The following SORCS1 variants were observed in gnomAD, a reference collection of about 807,000 sequenced individuals.
SORCS1 encodes VPS10 domain-containing receptor SorCS1.
Under a neutral mutation model 146.1 loss-of-function variants are expected in SORCS1, and 60 were observed. That is an observed-to-expected ratio of 0.41 (90% CI 0.33 to 0.51). The LOEUF (loss-of-function observed/expected upper bound fraction) is 0.51. Ranked by LOEUF, SORCS1 falls within the 20% of genes least tolerant of loss-of-function variation. SORCS1 has a pLI of 0.21. For missense variants in SORCS1, 1,352 were observed against 1,487.6 expected, an observed-to-expected ratio of 0.91 and a Z score of 1.50; for synonymous variants, 637 against 584.0, an observed-to-expected ratio of 1.09 and a Z score of -1.31.
intron 18 of SORCS1, among the ~76,000 whole-genome samples, chr10:106,645,925 C>G (rs897585588): frequency 2.0e-5 from 3 of 151,670 alleles, no homozygotes; most frequent in Non-Finnish European, 4.4e-5. Flanking sequence ...GAAATAATGC[C>G]TTAAATAACA....
intron 1 of SORCS1, among the ~76,000 whole-genome samples, chr10:107,160,074 C>T (rs1969587905): frequency 6.6e-6 from 1 of 152,204 alleles, no homozygotes; most frequent in South Asian, 2.1e-4. Flanking sequence ...CAAAGCACTA[C>T]TTAAGGTAAA....
intron 1 of SORCS1, among the ~76,000 whole-genome samples, chr10:107,038,503 C>T (rs1055236967): frequency 1.3e-5 from 2 of 152,080 alleles, no homozygotes; most frequent in African/African-American, 4.8e-5. Flanking sequence ...AACAAACCTG[C>T]ACATTGTGCG....
intron 1 of SORCS1, among the ~76,000 whole-genome samples, chr10:106,997,150 T>C (rs922121360): frequency 6.6e-6 from 1 of 152,106 alleles, no homozygotes; most frequent in African/African-American, 2.4e-5. Flanking sequence ...ATATTCTTTC[T>C]CCTGGTAATT....
At chr10:106,699,143 G>T in intron 9 of SORCS1, 71 bp downstream of exon 9, 4 of 1,368,578 alleles carry the variant, frequency 2.9e-6, no homozygotes, top group Non-Finnish European at 3.9e-6. Flanking sequence ...CAGGAAAAGA[G>T]TCCATGCGGG....
chr10:106,801,098 T>C (rs1454047748), intron 3 of SORCS1, among the ~76,000 whole-genome samples: 1 of 152,266 alleles, frequency 6.6e-6, no homozygotes, highest in Non-Finnish European at 1.5e-5. Flanking sequence ...CAATGTCTGA[T>C]GATTGAATGG....
At chr10:106,779,337 T>A (rs944792390) in intron 3 of SORCS1, among the ~76,000 whole-genome samples, 1 of 152,078 alleles carries the variant, frequency 6.6e-6, no homozygotes, top group Admixed American at 6.6e-5. Context: ...CTGGATCCAT[T>A]TTTCATTAGT....
chr10:106,596,533 C>G (rs1845914848), intron 24 of SORCS1, among the ~76,000 whole-genome samples: 1 of 152,042 alleles, frequency 6.6e-6, no homozygotes, highest in African/African-American at 2.4e-5. Context: ...GGAGGATCCC[C>G]CATCCTCACC....
chr10:107,128,670 T>A (rs1966839781), intron 1 of SORCS1, among the ~76,000 whole-genome samples: 1 of 152,216 alleles, frequency 6.6e-6, no homozygotes, highest in Admixed American at 6.5e-5. Flanking sequence ...ATTAGTTCCT[T>A]AAGGAACATT....
intron 13 of SORCS1, among the ~76,000 whole-genome samples, chr10:106,676,840 G>A (rs927655742): frequency 2.0e-5 from 3 of 152,062 alleles, no homozygotes; most frequent in African/African-American, 4.8e-5. Flanking sequence ...CAACCATCAG[G>A]CCTCCCAGGT....
intron 25 of SORCS1, chr10:106,578,572 A>AT: frequency 1.1e-6 from 1 of 871,332 alleles, no homozygotes; most frequent in Non-Finnish European, 1.4e-6. Context: ...TAGATGTAAA[A>AT]AAAAAAAAAA....
At chr10:107,168,255 A>T (rs144981258), upstream of SORCS1, among the ~76,000 whole-genome samples, 2 of 152,208 alleles carry the variant, frequency 1.3e-5, no homozygotes, top group South Asian at 2.1e-4. Context: ...CTTTTTTGAG[A>T]CCTTCACTTT....
intron 2 of SORCS1, among the ~76,000 whole-genome samples, chr10:106,836,144 G>T (rs893690182): frequency 3.3e-5 from 5 of 152,004 alleles, no homozygotes; most frequent in African/African-American, 1.2e-4. Context: ...AAATAAGGAA[G>T]ACTAAAAAGT....
intron 24 of SORCS1, among the ~76,000 whole-genome samples, chr10:106,594,301 A>G (rs971938712): frequency 6.6e-6 from 1 of 152,232 alleles, no homozygotes; most frequent in Non-Finnish European, 1.5e-5. Context: ...TACGGTTAAC[A>G]TATCAATCTT....
chr10:106,695,967 C>T (rs1853672049), intron 9 of SORCS1, among the ~76,000 whole-genome samples: 2 of 152,162 alleles, frequency 1.3e-5, no homozygotes, highest in South Asian at 4.2e-4. Context: ...AAACAAAATG[C>T]TTAATTTTAA....
chr10:106,971,108 G>A (rs1955765595), intron 1 of SORCS1, among the ~76,000 whole-genome samples: 1 of 151,760 alleles, frequency 6.6e-6, no homozygotes, highest in Non-Finnish European at 1.5e-5. Flanking sequence ...CCTTTACACT[G>A]TTGCCACCAC....
At chr10:106,832,291 C>T (rs1045793515) in intron 2 of SORCS1, among the ~76,000 whole-genome samples, 16 of 149,980 alleles carry the variant, frequency 1.1e-4, no homozygotes, top group African/African-American at 3.9e-4. Context: ...TGGGTTCGAT[C>T]GATTCTCCTG....
intron 5 of SORCS1, among the ~76,000 whole-genome samples, chr10:106,758,937 G>C (rs925767948): frequency 4.6e-5 from 7 of 152,148 alleles, no homozygotes; most frequent in African/African-American, 1.2e-4. Context: ...CATTATGATA[G>C]GGGAAAAAGT....
intron 23 of SORCS1, among the ~76,000 whole-genome samples, chr10:106,602,000 A>G (rs1286217955): frequency 2.6e-5 from 4 of 152,242 alleles, no homozygotes; most frequent in Non-Finnish European, 5.9e-5. Flanking sequence ...CAACATCCAA[A>G]CAATTTCTAA....
intron 18 of SORCS1, among the ~76,000 whole-genome samples, chr10:106,651,201 G>A (rs992061443): frequency 2.6e-5 from 4 of 152,124 alleles, no homozygotes; most frequent in South Asian, 2.1e-4. Context: ...TTTCAAACTC[G>A]TTATTTCACA....
Sources: allele counts gnomAD v4.1 joint callset (sites outside exome capture counted in the v4.1 genomes callset), GRCh38; gene constraint gnomAD v4.1.1; transcripts MANE v1.5; gene names NCBI Gene and HGNC (gene_info 2026-07-23, HGNC 2026-07-21).